AXDND1: variants seen among roughly 807,000 people sequenced by gnomAD.
AXDND1 encodes axonemal dynein light chain domain-containing protein 1.
A neutral mutation model predicts 137.5 loss-of-function variants in AXDND1; 110 were observed. That is an observed-to-expected ratio of 0.80 (90% CI 0.69 to 0.94). AXDND1 has a LOEUF of 0.94. AXDND1 is among the 40% of genes least tolerant of loss of function. The pLI is 0.00. For synonymous variants in AXDND1, 414 were observed against 399.7 expected, an observed-to-expected ratio of 1.04 and a Z score of -0.43; for missense variants, 1,191 against 1,169.8, an observed-to-expected ratio of 1.02 and a Z score of -0.26.
At chr1:179,499,481 G>A (rs964621904) in intron 20 of AXDND1, among the ~76,000 whole-genome samples, 1 of 152,144 alleles carries the variant, frequency 6.6e-6, no homozygotes, top group African/African-American at 2.4e-5. Flanking sequence ...TTGTAAAGGA[G>A]GGGGAGGAAT....
At position 179,385,370 on chromosome 1, in the gene AXDND1, T is replaced by A; in HGVS notation, c.863+11T>A. The A allele has an allele frequency of 6.2e-7, 1 of 1,613,914 alleles. No homozygotes were observed. Among genetic ancestry groups the A allele is most frequent in the Non-Finnish European group, 8.5e-7 (1 of 1,179,936 alleles). ...TCTGTCTAAAGTCAGGTTAGTGCTG[T>A]TATTGGAATGGTCCAGTTTCCTTTT... On this transcript the variant is annotated intron_variant, in intron 9 of 25. Transcript: ENST00000367618.
rs568320743 is a variant in AXDND1, at chr1:179,369,667, A to T, written c.271-308A>T. 8.7e-4 allele frequency among the ~76,000 whole-genome samples: 133 copies of T among 152,216 alleles called. 1 individual carries two copies. The highest frequency in any genetic ancestry group is 2.9e-3 in the African/African-American group (120 of 41,546). The stretch of plus-strand genomic sequence containing the variant: ...ACTCTGTCTCAAAAAAAAAAAATTT[A>T]AAATAATTTCTTAGATTGAAAACTC... On this transcript the variant is annotated intron_variant, in intron 3 of 25. Coordinates refer to ENST00000367618, the MANE Select transcript of AXDND1 (RefSeq NM_144696.6).
intron 18 of AXDND1, among the ~76,000 whole-genome samples, chr1:179,490,993 GT>G (rs1209177446): frequency 7.9e-5 from 12 of 152,138 alleles, no homozygotes; most frequent in Non-Finnish European, 1.6e-4. Flanking sequence ...TTTGAGAATT[GT>G]AGGTTCTCAC....
At chr1:179,516,190 G>A (rs113988250) in intron 21 of AXDND1, among the ~76,000 whole-genome samples, 20 of 151,930 alleles carry the variant, frequency 1.3e-4, no homozygotes, top group African/African-American at 3.9e-4. Context: ...GGGTTAATTC[G>A]AAGACCTGGT....
At position 179,528,419 on chromosome 1, in the gene AXDND1, GTT is replaced by G; in HGVS notation, c.2704_2705del (p.Leu902ValfsTer8). The G allele has an allele frequency of 6.2e-7, 1 of 1,611,242 alleles. No homozygotes were observed. Among genetic ancestry groups the G allele is most frequent in the Non-Finnish European group, 8.5e-7 (1 of 1,177,478 alleles). ...CCAAACCTCTATTTGAAACAGATGT[GTT>G]GTCTTCCTGGGTATGTATCTGAAAC... Reference protein sequence around the residue: ...HSKPLFETDVLSSWRESAKQG... With the variant: ...HSKPLFETDVXSSWRESAKQG... On this transcript the variant is annotated frameshift_variant, in exon 23 of 26. Transcript: ENST00000367618. LOFTEE classifies it high-confidence loss of function.
At chr1:179,416,835 G>A (rs998958028) in intron 12 of AXDND1, among the ~76,000 whole-genome samples, 68 of 152,280 alleles carry the variant, frequency 4.5e-4, no homozygotes, top group African/African-American at 1.5e-3. Flanking sequence ...GGCTACCCTA[G>A]ACAATGCTTC....
At chr1:179,488,797 C>T (rs568674043) in intron 18 of AXDND1, among the ~76,000 whole-genome samples, 11 of 143,750 alleles carry the variant, frequency 7.7e-5, no homozygotes, top group African/African-American at 2.2e-4. Flanking sequence ...TGCAGTGGCA[C>T]GTTCTCAGCT....
At chr1:179,491,818 A>G (rs1355552041) in intron 19 of AXDND1, 81 bp downstream of exon 19, 3 of 1,218,014 alleles carry the variant, frequency 2.5e-6, no homozygotes, top group African/African-American at 1.6e-5. Context: ...AGTAGTAGCA[A>G]TAGGAGTTAT....
At chr1:179,410,077 A>T (rs1653632102) in intron 11 of AXDND1, among the ~76,000 whole-genome samples, 1 of 152,098 alleles carries the variant, frequency 6.6e-6, no homozygotes, top group Non-Finnish European at 1.5e-5. Context: ...ATGTGTATTC[A>T]CCTGTATAAG....
chr1:179,385,404 T>G lies in AXDND1; in HGVS notation c.863+45T>G, dbSNP rs1649039155. Reference sequence around the variant, plus strand: ...TGGTCCAGTTTCCTTTTGATTTTTATATTAGATTTGTCTTTATATCTACTT... The same window carrying G: ...TGGTCCAGTTTCCTTTTGATTTTTAGATTAGATTTGTCTTTATATCTACTT... On this transcript the variant is annotated intron_variant, in intron 9 of 25. Coordinates refer to ENST00000367618, the MANE Select transcript of AXDND1 (RefSeq NM_144696.6). The G allele has an allele frequency of 3.1e-6, 5 of 1,608,612 alleles. 1 individual carries two copies.
At chr1:179,381,766 T>A (rs1648363014) in intron 6 of AXDND1, among the ~76,000 whole-genome samples, 1 of 152,082 alleles carries the variant, frequency 6.6e-6, no homozygotes, top group Non-Finnish European at 1.5e-5. Context: ...GGATTTTAAT[T>A]CTTTACTATC....
chr1:179,485,115 C>G (rs1285566282), intron 18 of AXDND1, among the ~76,000 whole-genome samples: 2 of 152,212 alleles, frequency 1.3e-5, no homozygotes, highest in African/African-American at 4.8e-5. Context: ...CTACCCCCTG[C>G]AACATGCTGC....
In AXDND1 at chr1:179,468,877, A is replaced by G. The variant is rs543733476; in HGVS notation, c.1997+236A>G. On this transcript the variant is annotated intron_variant, in intron 17 of 25. Transcript: ENST00000367618. ...CATCCTCTCCTACCGTCCTACCCCC[A>G]GCCCTAAGCAACCACAAATCTACTT... Among the ~76,000 whole-genome samples, 10 of 152,070 alleles carry G rather than the reference A, an allele frequency of 6.6e-5. No homozygotes were observed. The Middle Eastern group carries it at 0.017, about 260-fold the overall frequency.
At chr1:179,463,418 G>A (rs529929764) in intron 16 of AXDND1, among the ~76,000 whole-genome samples, 5 of 152,310 alleles carry the variant, frequency 3.3e-5, no homozygotes, top group Admixed American at 6.5e-5. Flanking sequence ...TTTCCATGTG[G>A]TTGAGCAGTT....
intron 17 of AXDND1, among the ~76,000 whole-genome samples, chr1:179,480,598 A>G (rs1477314138): frequency 6.6e-6 from 1 of 152,200 alleles, no homozygotes; most frequent in Non-Finnish European, 1.5e-5. Flanking sequence ...TCTGTTGCCT[A>G]CCTGGTGTAT....
chr1:179,540,301 C>A (rs975921293), intron 25 of AXDND1, among the ~76,000 whole-genome samples: 3 of 152,156 alleles, frequency 2.0e-5, no homozygotes, highest in Non-Finnish European at 2.9e-5. Context: ...TTCAGCCTTT[C>A]TGTGCTGGTT....
intron 25 of AXDND1, chr1:179,551,044 T>G: frequency 2.7e-6 from 3 of 1,103,890 alleles, no homozygotes; most frequent in Non-Finnish European, 4.0e-6. Flanking sequence ...GCATTGTGAC[T>G]TCGTGCATTC....
chr1:179,493,440 T>C (rs1667135822), intron 20 of AXDND1, among the ~76,000 whole-genome samples: 2 of 152,214 alleles, frequency 1.3e-5, no homozygotes, highest in African/African-American at 4.8e-5. Flanking sequence ...TTTAAATTAT[T>C]ACTAGATAAC....
At position 179,488,644 on chromosome 1, in the gene AXDND1, T is replaced by C. The variant is rs1400509842; in HGVS notation, c.2092-2894T>C. On this transcript the variant is annotated intron_variant, in intron 18 of 25. Transcript: ENST00000367618. ...TCTCTCTCTCTCTCTCCTTTCTTTC[T>C]TTCTTTCTTTCTTTCTTTCTTTCTT... 3.1e-5 allele frequency among the ~76,000 whole-genome samples: 2 copies of C among 64,116 alleles called. 1 individual carries two copies. The highest frequency in any genetic ancestry group is 6.4e-5 in the Non-Finnish European group (2 of 31,228). 42.1% of individuals were successfully genotyped at this position (64,116 alleles called of 152,430 possible). A position where few individuals can be genotyped will look rare whatever the true frequency, so the allele number is the denominator to read the frequency against.
Sources: gnomAD v4.1 joint callset for allele counts (sites outside exome capture counted in the v4.1 genomes callset) on GRCh38, gnomAD v4.1.1 for gene constraint, MANE v1.5 for transcripts, NCBI Gene and HGNC (gene_info 2026-07-23, HGNC 2026-07-21) for gene names.